The following OCRL variants were observed in gnomAD, a reference collection of about 807,000 sequenced individuals.
OCRL encodes the protein OCRL inositol polyphosphate-5-phosphatase.
A neutral mutation model predicts 78.9 loss-of-function variants in OCRL; 8 were observed. The ratio of observed to expected loss-of-function variants is 0.10; its 90% CI spans 0.06 to 0.18. The LOEUF (loss-of-function observed/expected upper bound fraction) is 0.18. Ranked by LOEUF, OCRL falls within the 10% of genes least tolerant of loss-of-function variation. The pLI is 1.00. For missense variants in OCRL, 454 were observed against 696.7 expected (o/e 0.65, Z 3.92); for synonymous variants, 240 against 235.4 (o/e 1.02, Z -0.18).
Position 129,554,948 on chromosome X carries a change from AAAATAAATAAATAAATAAATAAATAAAT to A in OCRL, c.239-2349_239-2322del, listed in dbSNP as rs765929333. On this transcript the variant is annotated intron_variant, in intron 4 of 23. Transcript: ENST00000371113. ...GCCTGGGCAGTAGAGACTCCTTCTCAAAATAAATAAATAAATAAATAAATAAATAAATAAATAAATAAATAAATAAATA... is the reference window on the plus strand; with the variant it reads ...GCCTGGGCAGTAGAGACTCCTTCTCAAAATAAATAAATAAATAAATAAATA... Among the ~76,000 whole-genome samples, 3 of 84,673 alleles carry A rather than the reference AAAATAAATAAATAAATAAATAAATAAAT, an allele frequency of 3.5e-5. No individual in the cohort carries two copies. In the Admixed American group the frequency reaches 3.9e-4, roughly 11 times the overall value. 73.5% of individuals were successfully genotyped at this position (84,673 alleles called of 115,157 possible).
intron 12 of OCRL, among the ~76,000 whole-genome samples, chrX:129,563,492 A>G (rs992409416): frequency 7.1e-5 from 8 of 112,126 alleles, no homozygotes; most frequent in African/African-American, 2.3e-4. Context: ...AAATAGCACT[A>G]TTCTAGCCTT....
chrX:129,588,828 C>T (rs761925762), intron 21 of OCRL, 58 bp from the exon 22 acceptor site: 53 of 1,196,514 alleles, frequency 4.4e-5, no homozygotes, highest in Non-Finnish European at 5.2e-5. Flanking sequence ...AGGAGCTCGT[C>T]GGGGCTCTGT....
chrX:129,547,418 G>A (rs954192310), intron 3 of OCRL, among the ~76,000 whole-genome samples: 14 of 107,272 alleles, frequency 1.3e-4, no homozygotes, highest in Non-Finnish European at 1.9e-4. Flanking sequence ...CCAACTACTC[G>A]GGAGGCTGAG....
At chrX:129,564,385 G>T (rs1464009211) in intron 12 of OCRL, among the ~76,000 whole-genome samples, 1 of 110,440 alleles carries the variant, frequency 9.1e-6, no homozygotes, top group African/African-American at 3.3e-5. Flanking sequence ...ATACCCAAAG[G>T]ACTATAAATC....
Position 129,553,392 on chromosome X carries a change from G to C in OCRL, c.239-3933G>C, listed in dbSNP as rs566554248. 3.6e-5 allele frequency: 4 copies of C among 112,219 alleles called. No individual in the cohort carries two copies. The South Asian group carries it at 1.5e-3, about 42-fold the overall frequency. The allele number at this position is 112,219 out of a possible 1,213,427, so 9.2% of individuals were successfully genotyped here. ...TGTGTCTTTTAAAGAAACGTGACTG[G>C]AGGGGAATATAGAGATGGACTGGAA... On this transcript the variant is annotated intron_variant, in intron 4 of 23. Coordinates refer to ENST00000371113, the MANE Select transcript of OCRL (RefSeq NM_000276.4).
intron 2 of OCRL, among the ~76,000 whole-genome samples, chrX:129,543,219 T>C (rs1265304975): frequency 8.9e-6 from 1 of 112,523 alleles, no homozygotes; most frequent in Admixed American, 9.4e-5. Context: ...AGAATTTTTA[T>C]GCTTATTCTT....
At chrX:129,569,840 C>G (rs370536706) in intron 15 of OCRL, among the ~76,000 whole-genome samples, 1 of 83,831 alleles carries the variant, frequency 1.2e-5, no homozygotes, top group African/African-American at 4.2e-5. Flanking sequence ...CTTATTTTTT[C>G]TTTTTTTTTT....
At chrX:129,558,004 A>AT (rs981485034) in intron 6 of OCRL, 54 bp downstream of exon 6, 1 of 785,496 alleles carries the variant, frequency 1.3e-6, no homozygotes, top group African/African-American at 2.0e-5. Flanking sequence ...GAGTCAGTAG[A>AT]TTTTGTCAGG....
At position 129,558,847 on chromosome X, in the gene OCRL, C is replaced by T. The variant is rs771102070; in HGVS notation, c.568C>T (p.Arg190Cys). 8.3e-6 allele frequency: 10 copies of T among 1,210,519 alleles called. No homozygotes were observed. Among genetic ancestry groups the T allele is most frequent in the Middle Eastern group, 2.3e-4 (1 of 4,374 alleles). The change falls in exon 8 of 24, where the codon CGT becomes TGT. Residue 190 changes from arginine to cysteine, a missense_variant. Arg to Cys is a radical substitution (Grantham distance 180). Coordinates refer to ENST00000371113, the MANE Select transcript of OCRL (RefSeq NM_000276.4). ...PPFSVNKMLP[R>C]EKEASNKEQP... The stretch of plus-strand genomic sequence containing the variant: ...CTCTCATTTATTTGCTAGGCTTCCA[C>T]GTGAAAAAGAAGCTTCTAACAAGGA...
intron 5 of OCRL, 66 bp downstream of exon 5, chrX:129,557,501 A>T: frequency 9.8e-7 from 1 of 1,023,406 alleles, no homozygotes; most frequent in Non-Finnish European, 1.4e-6. Flanking sequence ...ACATGCTGAT[A>T]CAGAGGAAAG....
At chrX:129,584,959 T>C (rs2362937) in intron 19 of OCRL, among the ~76,000 whole-genome samples, 24,719 of 110,701 alleles carry the variant, frequency 0.22, 5,197 homozygotes, top group East Asian at 0.73. Flanking sequence ...AGTCATGCAC[T>C]GTACCCACTT....
intron 22 of OCRL, 98 bp from the exon 23 acceptor site, chrX:129,589,747 G>A: frequency 1.7e-6 from 1 of 589,016 alleles, no homozygotes; most frequent in Non-Finnish European, 3.0e-6. Flanking sequence ...GGTCCTGCAA[G>A]GGTTGGATTA....
At chrX:129,561,964 T>A (rs1195576423) in intron 10 of OCRL, among the ~76,000 whole-genome samples, 1 of 112,170 alleles carries the variant, frequency 8.9e-6, no homozygotes, top group African/African-American at 3.2e-5. Flanking sequence ...CTAGCTGTAG[T>A]TCACAAGTTA....
chrX:129,558,780 C>T (rs1034816485), intron 7 of OCRL, 27 bp downstream of exon 7: 1 of 1,211,363 alleles, frequency 8.3e-7, no homozygotes. Context: ...AACATATTTG[C>T]CTTGTAGGAG....
intron 15 of OCRL, 41 bp downstream of exon 15, chrX:129,569,440 T>G (rs751216662): frequency 8.8e-7 from 1 of 1,132,947 alleles, no homozygotes; most frequent in Non-Finnish European, 1.2e-6. Flanking sequence ...GTGTGTTAAG[T>G]ATCAATTACT....
In OCRL at chrX:129,558,726, C is replaced by G. The variant is rs756976827; in HGVS notation, c.533C>G (p.Pro178Arg). 1 of 1,211,905 alleles carries G rather than the reference C, an allele frequency of 8.3e-7. No individual in the cohort carries two copies. The highest frequency in any genetic ancestry group is 3.0e-5 in the East Asian group (1 of 33,874). Residue 178 changes from proline to arginine, a missense_variant, in exon 7 of 24, where the codon CCA becomes CGA. Around this residue, in one of 2 missense-constraint regions of OCRL, gnomAD observed 177 missense variants for 179.6 expected, o/e 0.99. Transcript: ENST00000371113. ...CCTACTGGGATTCATCGGGAACCCCCACCTCCACCCTTTTCAGTGAATAAA... is the reference window on the plus strand; with the variant it reads ...CCTACTGGGATTCATCGGGAACCCCGACCTCCACCCTTTTCAGTGAATAAA... ...NQPTGIHREP[P>R]PPPFSVNKML...
chrX:129,583,634 T>C (rs1193383825), intron 18 of OCRL, among the ~76,000 whole-genome samples: 1 of 112,080 alleles, frequency 8.9e-6, no homozygotes, highest in Non-Finnish European at 1.9e-5. Flanking sequence ...TCATGGCTGC[T>C]ATTATTATTG....
chrX:129,545,123 G>A, intron 3 of OCRL, 86 bp downstream of exon 3: 2 of 544,401 alleles, frequency 3.7e-6, no homozygotes, highest in Middle Eastern at 5.1e-4. Flanking sequence ...ATTTAAATTT[G>A]TCAGTGCATG....
intron 2 of OCRL, among the ~76,000 whole-genome samples, chrX:129,541,056 G>A (rs1935791155): frequency 1.8e-5 from 2 of 112,164 alleles, no homozygotes; most frequent in African/African-American, 6.5e-5. Flanking sequence ...GGGGAAGCAG[G>A]AAGCCTGGGT....
Sources: allele counts gnomAD v4.1 joint callset (sites outside exome capture counted in the v4.1 genomes callset), GRCh38; gene constraint gnomAD v4.1.1; regional missense constraint gnomAD v4.1.1; transcripts MANE v1.5; gene names NCBI Gene and HGNC (gene_info 2026-07-23, HGNC 2026-07-21).